ERICH3: variants seen among roughly 807,000 people sequenced by gnomAD.
The protein encoded by ERICH3 is glutamate-rich protein 3.
A neutral mutation model predicts 131.1 loss-of-function variants in ERICH3; 126 were observed. That is an observed-to-expected ratio of 0.96 (90% confidence interval 0.83 to 1.11). The LOEUF is 1.11. ERICH3 is among the 50% of genes most tolerant of loss of function. ERICH3 has a pLI of 0.00. For missense variants in ERICH3, 2,050 were observed against 1,810.7 expected, an observed-to-expected ratio of 1.13 and a Z score of -2.40; for synonymous variants, 695 against 644.6, an observed-to-expected ratio of 1.08 and a Z score of -1.18.
At chr1:74,604,658 T>G (rs1648298815) in intron 10 of ERICH3, among the ~76,000 whole-genome samples, 1 of 151,946 alleles carries the variant, frequency 6.6e-6, no homozygotes, top group Non-Finnish European at 1.5e-5. Flanking sequence ...AGTGACCAGG[T>G]ACATTGTCAA....
chr1:74,666,417 A>C (rs1321513572), intron 1 of ERICH3, among the ~76,000 whole-genome samples: 3 of 152,170 alleles, frequency 2.0e-5, no homozygotes, highest in African/African-American at 7.2e-5. Context: ...TTGTCAAAAA[A>C]ATTTTTAATC....
intron 12 of ERICH3, among the ~76,000 whole-genome samples, chr1:74,582,669 C>G (rs1410337365): frequency 6.6e-6 from 1 of 152,070 alleles, no homozygotes; most frequent in South Asian, 2.1e-4. Flanking sequence ...TTCAGGCCAT[C>G]ACAAGTGGGA....
At chr1:74,640,986 T>C (rs550338104) in intron 5 of ERICH3, among the ~76,000 whole-genome samples, 1 of 152,244 alleles carries the variant, frequency 6.6e-6, no homozygotes, top group African/African-American at 2.4e-5. Context: ...ATAGCTAATT[T>C]GAGGTCATAT....
chr1:74,603,669 T>C (rs1648254030), intron 10 of ERICH3, among the ~76,000 whole-genome samples: 2 of 152,032 alleles, frequency 1.3e-5, no homozygotes, highest in Admixed American at 1.3e-4. Context: ...GTGATATAAA[T>C]TTTTTGGTTT....
Position 74,573,061 on chromosome 1 carries a change from G to A in ERICH3, c.2649C>T (p.Leu883=), listed in dbSNP as rs2100512332. 2 of 1,614,128 alleles carry A rather than the reference G, an allele frequency of 1.2e-6. No homozygotes were observed. The highest frequency in any genetic ancestry group is 1.7e-6 in the Non-Finnish European group (2 of 1,180,020). The change falls in exon 14 of 15, where the codon CTC becomes CTT. Residue 883 remains leucine, a synonymous_variant. Coordinates refer to ENST00000326665, the MANE Select transcript of ERICH3 (RefSeq NM_001002912.5). ...CTGCTTTGTCTGTCTCAAGCACTGT[G>A]AGCATCAAGGCTTGCTTTTCAGGAG... The part of the protein sequence containing the change: ...DEAPEKQALM[L]TVLETDKAAS...
At chr1:74,641,071 TG>T (rs1236751242) in intron 5 of ERICH3, among the ~76,000 whole-genome samples, 1 of 152,036 alleles carries the variant, frequency 6.6e-6, no homozygotes. Context: ...AGTATTTGGG[TG>T]TATAAATAAC....
intron 8 of ERICH3, among the ~76,000 whole-genome samples, chr1:74,617,661 A>C (rs1160698056): frequency 1.3e-5 from 2 of 152,226 alleles, no homozygotes; most frequent in Non-Finnish European, 2.9e-5. Context: ...GTCAGAAAGC[A>C]GATCAGTGTC....
chr1:74,605,256 G>C (rs558330978), intron 10 of ERICH3, among the ~76,000 whole-genome samples: 1 of 152,008 alleles, frequency 6.6e-6, no homozygotes, highest in South Asian at 2.1e-4. Context: ...GCCTTGCTCT[G>C]ACTTAAGCTT....
At chr1:74,631,641 C>T in intron 7 of ERICH3, 72 bp downstream of exon 7, 1 of 1,295,094 alleles carries the variant, frequency 7.7e-7, no homozygotes, top group Non-Finnish European at 1.1e-6. Context: ...TCTTTTACTG[C>T]AAACCTAGAA....
intron 10 of ERICH3, among the ~76,000 whole-genome samples, chr1:74,601,107 A>T (rs1648109901): frequency 6.6e-6 from 1 of 151,914 alleles, no homozygotes; most frequent in African/African-American, 2.4e-5. Flanking sequence ...AAGAAATTTA[A>T]TACATTTAAA....
At chr1:74,605,098 A>T (rs1040159238) in intron 10 of ERICH3, among the ~76,000 whole-genome samples, 3 of 152,012 alleles carry the variant, frequency 2.0e-5, no homozygotes, top group African/African-American at 7.2e-5. Context: ...CAGCTCCTAC[A>T]TAAGCACTTG....
At chr1:74,631,607 T>C (rs1646336889) in intron 7 of ERICH3, 106 bp downstream of exon 7, 2 of 904,552 alleles carry the variant, frequency 2.2e-6, no homozygotes, top group Middle Eastern at 3.1e-4. Context: ...ACACACAACG[T>C]TTTGCATGCA....
At chr1:74,619,756 G>A (rs1026237285) in intron 8 of ERICH3, among the ~76,000 whole-genome samples, 2 of 152,010 alleles carry the variant, frequency 1.3e-5, no homozygotes, top group African/African-American at 4.8e-5. Flanking sequence ...AAATGGAAAT[G>A]GAAAAAAACA....
At chr1:74,604,327 C>A (rs1648284646) in intron 10 of ERICH3, among the ~76,000 whole-genome samples, 1 of 151,902 alleles carries the variant, frequency 6.6e-6, no homozygotes. Flanking sequence ...GGCTTGAACT[C>A]CTCAAAGCCA....
Position 74,576,761 on chromosome 1 carries a change from G to C in ERICH3, c.2218+134C>G, listed in dbSNP as rs534041811. 1.9e-5 allele frequency: 14 copies of C among 743,686 alleles called. 1 individual carries two copies. The highest frequency in any genetic ancestry group is 3.0e-5 in the Non-Finnish European group (14 of 459,350). 46.1% of individuals were successfully genotyped at this position (743,686 alleles called of 1,614,324 possible). A position where few individuals can be genotyped will look rare whatever the true frequency, so the allele number is the denominator to read the frequency against. On this transcript the variant is annotated intron_variant, in intron 13 of 14. Coordinates refer to ENST00000326665, the MANE Select transcript of ERICH3 (RefSeq NM_001002912.5). ...CATACACATAAATATATTCAAATAA[G>C]CACACTTCTTAAAAGTCATTCAATA...
intron 1 of ERICH3, among the ~76,000 whole-genome samples, chr1:74,654,929 A>G (rs1167192631): frequency 6.6e-6 from 1 of 152,186 alleles, no homozygotes; most frequent in Non-Finnish European, 1.5e-5. Flanking sequence ...AAGTATAATG[A>G]TGGAAAAATG....
rs759985182 is a variant in ERICH3 at position 74,590,077 on chromosome 1, A to G, written c.1730T>C (p.Met577Thr). The G allele has an allele frequency of 3.2e-6, 5 of 1,580,378 alleles. No individual in the cohort carries two copies. Among genetic ancestry groups the G allele is most frequent in the Middle Eastern group, 1.7e-4 (1 of 5,932 alleles). ...GGATGAGGTTGATGAAGCAGTTTTC[A>G]TATCTACAAAAAATAAAAGTGATGA... The part of the protein sequence containing the change: ...ESELEEDKQD[M>T]KTASSTSSRS... The change falls in exon 12 of 15, where the codon ATG (methionine) becomes ACG (threonine). Residue 577 changes from methionine (M) to threonine (T), a missense_variant. By Grantham distance (81) the Met-to-Thr change is moderately conservative. Coordinates refer to ENST00000326665, the MANE Select transcript of ERICH3 (RefSeq NM_001002912.5).
At chr1:74,638,404 T>C (rs186809115) in intron 5 of ERICH3, among the ~76,000 whole-genome samples, 2 of 152,300 alleles carry the variant, frequency 1.3e-5, no homozygotes, top group Non-Finnish European at 2.9e-5. Context: ...TAAAAGTTCT[T>C]AGAATCTTTA....
intron 12 of ERICH3, among the ~76,000 whole-genome samples, chr1:74,585,293 T>C (rs1037847526): frequency 3.3e-5 from 5 of 152,198 alleles, no homozygotes; most frequent in African/African-American, 7.2e-5. Flanking sequence ...AAGAACACTG[T>C]CTGATTGCAG....
Sources: allele counts gnomAD v4.1 joint callset (sites outside exome capture counted in the v4.1 genomes callset), GRCh38; gene constraint gnomAD v4.1.1; transcripts MANE v1.5; gene names NCBI Gene and HGNC (gene_info 2026-07-23, HGNC 2026-07-21).